The following ARHGAP28 variants were observed in gnomAD, a reference collection of about 807,000 sequenced individuals.
The protein encoded by ARHGAP28 is rho GTPase-activating protein 28.
In ARHGAP28, 56 loss-of-function variants were observed where a neutral mutation model predicts 90.7. The observed-to-expected ratio is 0.62, with a 90% CI of 0.50 to 0.77. ARHGAP28 has a LOEUF of 0.77. ARHGAP28 is among the 30% of genes least tolerant of loss of function. The pLI, the probability that ARHGAP28 is intolerant of heterozygous loss-of-function variation, is 0.00. For missense variants in ARHGAP28, 869 were observed against 900.9 expected (o/e 0.96, Z 0.45); for synonymous variants, 308 against 323.3 (o/e 0.95, Z 0.51).
chr18:6,832,311 T>G (rs2056722473), intron 2 of ARHGAP28, among the ~76,000 whole-genome samples: 1 of 151,524 alleles, frequency 6.6e-6, no homozygotes, highest in Admixed American at 6.6e-5. Flanking sequence ...TAGACTTATT[T>G]TATGGCTCAG....
intron 5 of ARHGAP28, among the ~76,000 whole-genome samples, chr18:6,865,515 C>T (rs2057031583): frequency 6.6e-6 from 1 of 152,154 alleles, no homozygotes; most frequent in Non-Finnish European, 1.5e-5. Context: ...TTGGTTTAAT[C>T]AAGCACAGGT....
At chr18:6,844,159 T>C (rs906479323) in intron 3 of ARHGAP28, among the ~76,000 whole-genome samples, 1 of 152,222 alleles carries the variant, frequency 6.6e-6, no homozygotes, top group Non-Finnish European at 1.5e-5. Flanking sequence ...ACTGACTATA[T>C]AAATATATAG....
At chr18:6,847,795 T>C (rs1188077243) in intron 3 of ARHGAP28, among the ~76,000 whole-genome samples, 3 of 152,128 alleles carry the variant, frequency 2.0e-5, no homozygotes, top group African/African-American at 4.8e-5. Flanking sequence ...TTAGAAGGAC[T>C]CACAGGATGC....
At chr18:6,870,454 C>G in intron 6 of ARHGAP28, 136 bp from the exon 7 acceptor site, 1 of 857,238 alleles carries the variant, frequency 1.2e-6, no homozygotes, top group Non-Finnish European at 1.8e-6. Flanking sequence ...GGTGAGTCTG[C>G]TGCTTTTCCT....
chr18:6,869,949 G>T, intron 6 of ARHGAP28, among the ~76,000 whole-genome samples: 1 of 152,116 alleles, frequency 6.6e-6, no homozygotes, highest in East Asian at 1.9e-4. Flanking sequence ...TTTCAAATTA[G>T]CTTGAGAAAA....
chr18:6,874,141 AGAT>A (rs2057112825), intron 9 of ARHGAP28, among the ~76,000 whole-genome samples: 1 of 152,244 alleles, frequency 6.6e-6, no homozygotes, highest in South Asian at 2.1e-4. Flanking sequence ...ATCTAGATAA[AGAT>A]GACCATTAAT....
At chr18:6,801,019 G>T (rs79540738) in intron 1 of ARHGAP28, among the ~76,000 whole-genome samples, 19,763 of 152,224 alleles carry the variant, frequency 0.13, 1,409 homozygotes, top group Non-Finnish European at 0.15. Context: ...CAGAGGAATT[G>T]TAAGTCATGG....
At chr18:6,792,146 G>A (rs2056411186) in intron 1 of ARHGAP28, among the ~76,000 whole-genome samples, 1 of 152,124 alleles carries the variant, frequency 6.6e-6, no homozygotes, top group South Asian at 2.1e-4. Context: ...TGGTTACCTG[G>A]AGATGGACGT....
intron 1 of ARHGAP28, among the ~76,000 whole-genome samples, chr18:6,823,183 AC>A (rs1191123123): frequency 6.6e-6 from 1 of 152,030 alleles, no homozygotes; most frequent in Non-Finnish European, 1.5e-5. Flanking sequence ...GGAGTTGCAA[AC>A]CCATACCAAC....
rs546582372 is a variant in ARHGAP28, at chr18:6,870,974, G to T, written c.954+242G>T. ...TGCCAACTTGCCCGGCTAATTTTTT[G>T]TATTTTTGGTAGAGATGGGGTTTCA... On this transcript the variant is annotated intron_variant, in intron 7 of 17. Transcript: ENST00000383472. 5.3e-5 allele frequency among the ~76,000 whole-genome samples: 8 copies of T among 152,188 alleles called. No homozygotes were observed. The East Asian group carries it at 1.4e-3, about 26-fold the overall frequency.
chr18:6,767,551 A>G (rs2143381258), intron 1 of ARHGAP28, among the ~76,000 whole-genome samples: 1 of 152,168 alleles, frequency 6.6e-6, no homozygotes, highest in East Asian at 1.9e-4. Flanking sequence ...GTATTTATCT[A>G]GTCTTCCTTT....
intron 1 of ARHGAP28, among the ~76,000 whole-genome samples, chr18:6,819,386 A>G (rs1176355581): frequency 2.0e-5 from 3 of 152,230 alleles, no homozygotes; most frequent in African/African-American, 4.8e-5. Flanking sequence ...CTGTGGATAC[A>G]AAGAAGTCTG....
intron 2 of ARHGAP28, among the ~76,000 whole-genome samples, chr18:6,828,568 A>G (rs2056692762): frequency 1.3e-5 from 2 of 152,162 alleles, no homozygotes; most frequent in Non-Finnish European, 2.9e-5. Context: ...CTTACATTTA[A>G]ATCTTTAATC....
At chr18:6,851,006 T>C (rs751088920) in intron 3 of ARHGAP28, 28 bp from the exon 4 acceptor site, 1 of 1,612,798 alleles carries the variant, frequency 6.2e-7, no homozygotes, top group Non-Finnish European at 8.5e-7. Flanking sequence ...TATGCCTGGA[T>C]AAACGTGGCT....
At chr18:6,739,808 CA>C (rs2055960089) in intron 1 of ARHGAP28, among the ~76,000 whole-genome samples, 2 of 150,074 alleles carry the variant, frequency 1.3e-5, no homozygotes, top group East Asian at 1.9e-4. Context: ...TAGTTAAAAA[CA>C]TTTTTTTGTT....
At chr18:6,891,646 G>A (rs537674267) in intron 14 of ARHGAP28, among the ~76,000 whole-genome samples, 67 of 151,964 alleles carry the variant, frequency 4.4e-4, no homozygotes, top group Admixed American at 9.2e-4. Flanking sequence ...GGAGTGCAGT[G>A]GCATGATCAT....
Position 6,729,853 on chromosome 18 carries a change from T to C in ARHGAP28, c.32T>C (p.Leu11Pro). 2 of 1,433,824 alleles carry C rather than the reference T, an allele frequency of 1.4e-6. No individual in the cohort carries two copies. The highest frequency in any genetic ancestry group is 1.8e-6 in the Non-Finnish European group (2 of 1,097,278). The allele number at this position is 1,433,824 out of a possible 1,614,324, so 88.8% of individuals were successfully genotyped here. Reference protein sequence around the residue: MEVEDSGGVVLTAYHSYARAQ... With the variant: MEVEDSGGVVPTAYHSYARAQ... ...GTGGAGGACTCGGGCGGCGTGGTGC[T>C]GACCGCCTACCACTCGTACGCGCGC... Residue 11 changes from leucine (L) to proline (P), a missense_variant, in exon 1 of 18, where the codon CTG becomes CCG. Leu to Pro is a moderately conservative substitution (Grantham distance 98, BLOSUM62 -3). Transcript: ENST00000383472.
intron 12 of ARHGAP28, 22 bp downstream of exon 12, chr18:6,887,261 G>C: frequency 6.2e-7 from 1 of 1,608,986 alleles, no homozygotes; most frequent in South Asian, 1.1e-5. Context: ...CCACCTCACA[G>C]CTTGTCCTGG....
At chr18:6,749,322 A>G (rs1015103449) in intron 1 of ARHGAP28, among the ~76,000 whole-genome samples, 11 of 152,174 alleles carry the variant, frequency 7.2e-5, no homozygotes, top group African/African-American at 2.7e-4. Context: ...CTCTCCTACA[A>G]ATATTCCTTG....
Sources: allele counts gnomAD v4.1 joint callset (sites outside exome capture counted in the v4.1 genomes callset), GRCh38; gene constraint gnomAD v4.1.1; transcripts MANE v1.5; gene names NCBI Gene and HGNC (gene_info 2026-07-23, HGNC 2026-07-21).